RIOK1: variants seen among roughly 807,000 people sequenced by gnomAD.
The protein encoded by RIOK1 is RIO kinase 1.
RIOK1 carries 66 observed loss-of-function variants against 73.5 expected under a neutral mutation model. The ratio of observed to expected loss-of-function variants is 0.90; its 90% CI spans 0.74 to 1.10. The LOEUF (loss-of-function observed/expected upper bound fraction) is 1.10, where lower values mean the gene tolerates loss of function less well. RIOK1 is among the 50% of genes least tolerant of loss of function. The pLI is 0.00. For missense variants in RIOK1, 658 were observed against 699.8 expected (o/e 0.94, Z 0.67); for synonymous variants, 224 against 226.8 (o/e 0.99, Z 0.11).
intron 5 of RIOK1, among the ~76,000 whole-genome samples, chr6:7,398,946 C>T (rs1000496235): frequency 6.6e-6 from 1 of 152,178 alleles, no homozygotes; most frequent in African/African-American, 2.4e-5. Context: ...CATGGTCCTT[C>T]AGTGGCCTTG....
chr6:7,402,246 T>G (rs1447977321), intron 6 of RIOK1, among the ~76,000 whole-genome samples: 1 of 152,234 alleles, frequency 6.6e-6, no homozygotes, highest in African/African-American at 2.4e-5. Context: ...TACAACAGGT[T>G]TCTGTACTGA....
At chr6:7,399,986 AG>A (rs772156599) in intron 5 of RIOK1, among the ~76,000 whole-genome samples, 1 of 152,246 alleles carries the variant, frequency 6.6e-6, no homozygotes, top group Non-Finnish European at 1.5e-5. Flanking sequence ...TGGGGGCTAG[AG>A]GGCCTGCCTG....
chr6:7,390,038 C>T lies in RIOK1; in HGVS notation c.36C>T (p.Val12=). ...DYRRLLMSRV[V]PGQFDDADSS... Reference sequence around the variant, plus strand: ...GGCGGCTTCTCATGAGCCGGGTGGTCCCCGGGCAATTCGACGACGCGGACT... The same window carrying T: ...GGCGGCTTCTCATGAGCCGGGTGGTTCCCGGGCAATTCGACGACGCGGACT... The change falls in exon 1 of 17, where the codon GTC becomes GTT. Residue 12 remains valine (V), a synonymous_variant. Transcript: ENST00000379834. The T allele has an allele frequency of 6.4e-7, 1 of 1,558,400 alleles. No individual in the cohort carries two copies. The highest frequency in any genetic ancestry group is 8.7e-7 in the Non-Finnish European group (1 of 1,151,236).
chr6:7,413,950 C>T (rs762074391), intron 15 of RIOK1, among the ~76,000 whole-genome samples: 1 of 152,178 alleles, frequency 6.6e-6, no homozygotes, highest in Non-Finnish European at 1.5e-5. Context: ...CAACTAAATG[C>T]TCCTGATTAG....
intron 8 of RIOK1, among the ~76,000 whole-genome samples, chr6:7,403,486 T>C (rs1761663997): frequency 6.6e-6 from 1 of 152,234 alleles, no homozygotes; most frequent in African/African-American, 2.4e-5. Flanking sequence ...TAACTTTTTA[T>C]ATGGTGTACA....
chr6:7,399,507 A>G (rs1471074193), intron 5 of RIOK1, among the ~76,000 whole-genome samples: 4 of 152,242 alleles, frequency 2.6e-5, no homozygotes, highest in Non-Finnish European at 5.9e-5. Context: ...AAATAACTTT[A>G]GGGTTATTTT....
chr6:7,406,453 C>G (rs1450959488), intron 12 of RIOK1, among the ~76,000 whole-genome samples: 3 of 152,202 alleles, frequency 2.0e-5, no homozygotes, highest in Non-Finnish European at 4.4e-5. Flanking sequence ...ACACCTGTTA[C>G]ATCATCCCAA....
intron 6 of RIOK1, 95 bp downstream of exon 6, chr6:7,401,145 AAG>A (rs1761600773): frequency 1.3e-6 from 1 of 752,450 alleles, no homozygotes; most frequent in African/African-American, 1.8e-5. Context: ...TTTAAGAAGA[AAG>A]AAAAACAAAG....
intron 12 of RIOK1, among the ~76,000 whole-genome samples, chr6:7,407,941 T>A (rs1761788709): frequency 6.6e-6 from 1 of 152,222 alleles, no homozygotes; most frequent in African/African-American, 2.4e-5. Flanking sequence ...TGCACAGAAG[T>A]TTTAAATTTT....
intron 15 of RIOK1, 25 bp downstream of exon 15, chr6:7,412,967 T>C: frequency 6.9e-7 from 1 of 1,451,850 alleles, no homozygotes. Context: ...TGTTACTGTT[T>C]GTTTATGTGA....
chr6:7,390,724 GATAGAGAAGTA>G (rs1284325346), intron 1 of RIOK1, among the ~76,000 whole-genome samples: 1 of 152,214 alleles, frequency 6.6e-6, no homozygotes, highest in Non-Finnish European at 1.5e-5. Flanking sequence ...TTGGTAGGGT[GATAGAGAAGTA>G]AGAAGGGGGG....
At position 7,402,655 on chromosome 6, in the gene RIOK1, T is replaced by C. The variant is rs1187220461; in HGVS notation, c.626T>C (p.Ile209Thr). The C allele has an allele frequency of 6.2e-7, 1 of 1,612,950 alleles. No homozygotes were observed. The highest frequency in any genetic ancestry group is 8.5e-7 in the Non-Finnish European group (1 of 1,179,260). ...TANGESRAIK[I>T]YKTSILVFKD... is the part of the protein sequence containing the mutation. ...AATGGAGAGAGCAGAGCAATCAAAA[T>C]TTATAAAACTTCTATTTTGGTGTTC... Residue 209 changes from isoleucine to threonine, a missense_variant, in exon 7 of 17, where the codon ATT (isoleucine) becomes ACT (threonine). By Grantham distance (89) the Ile-to-Thr change is moderately conservative. Coordinates refer to ENST00000379834, the MANE Select transcript of RIOK1 (RefSeq NM_031480.3).
At chr6:7,398,135 CCAT>C (rs932579762) in intron 4 of RIOK1, among the ~76,000 whole-genome samples, 3 of 152,122 alleles carry the variant, frequency 2.0e-5, no homozygotes, top group African/African-American at 7.2e-5. Flanking sequence ...GAGCGAGACT[CCAT>C]CTCAAAACAA....
chr6:7,411,309 A>AT (rs1307825676), intron 13 of RIOK1, 23 bp from the exon 14 acceptor site: 3 of 1,611,794 alleles, frequency 1.9e-6, no homozygotes, highest in African/African-American at 1.3e-5. Flanking sequence ...AACAGTTTTG[A>AT]TTTTGCTTTT....
Position 7,393,229 on chromosome 6 carries a change from G to A in RIOK1, c.202G>A (p.Asp68Asn), listed in dbSNP as rs1000001721. 1.4e-5 allele frequency: 23 copies of A among 1,613,860 alleles called. No homozygotes were observed. The highest frequency in any genetic ancestry group is 1.9e-5 in the Non-Finnish European group (23 of 1,179,890). Residue 68 changes from aspartate to asparagine, a missense_variant, in exon 2 of 17, where the codon GAT (aspartate) becomes AAT (asparagine). Coordinates refer to ENST00000379834, the MANE Select transcript of RIOK1 (RefSeq NM_031480.3). The stretch of plus-strand genomic sequence containing the variant: ...GGAGGAGGGTTATGACGATGATGAT[G>A]ATGACTGGGACTGGGATGAAGGAGT... ...EEEEGYDDDD[D>N]DWDWDEGVGK...
chr6:7,407,710 T>C (rs1344858185), intron 12 of RIOK1, among the ~76,000 whole-genome samples: 4 of 152,086 alleles, frequency 2.6e-5, no homozygotes, highest in Admixed American at 6.5e-5. Context: ...TCCAGTCTGG[T>C]CTTAGACTCC....
intron 6 of RIOK1, among the ~76,000 whole-genome samples, 185 bp from the exon 7 acceptor site, chr6:7,402,418 T>C (rs1761634491): frequency 6.6e-6 from 1 of 152,264 alleles, no homozygotes; most frequent in Non-Finnish European, 1.5e-5. Flanking sequence ...TATTTGTATA[T>C]TGGAGCTATG....
chr6:7,413,915 G>A (rs1301481510), intron 15 of RIOK1, among the ~76,000 whole-genome samples: 1 of 152,152 alleles, frequency 6.6e-6, no homozygotes, highest in African/African-American at 2.4e-5. Context: ...CTACCTCTAT[G>A]TATATTTTGC....
rs1303698973 is a variant in RIOK1 at position 7,395,278 on chromosome 6, C to T, written c.367+135C>T. ...CCTGTAATCCCGGCACTTTGGGAGG[C>T]TGAAGTGGGTGGATCACCTGAGGTC... is the stretch of plus-strand genomic sequence containing the variant. On this transcript the variant is annotated intron_variant, in intron 3 of 16. Transcript: ENST00000379834. 18 of 909,366 alleles carry T rather than the reference C, an allele frequency of 2.0e-5. 1 individual carries two copies. Among genetic ancestry groups the T allele is most frequent in the Non-Finnish European group, 2.7e-5 (16 of 599,502 alleles). The allele number at this position is 909,366 out of a possible 1,614,324, so 56.3% of individuals were successfully genotyped here.
Sources: gnomAD v4.1 joint callset for allele counts (sites outside exome capture counted in the v4.1 genomes callset) on GRCh38, gnomAD v4.1.1 for gene constraint, MANE v1.5 for transcripts, NCBI Gene and HGNC (gene_info 2026-07-23, HGNC 2026-07-21) for gene names.